GALNT10: variants seen among roughly 807,000 people sequenced by gnomAD.
GALNT10 encodes the protein polypeptide N-acetylgalactosaminyltransferase 10.
In GALNT10, 41 loss-of-function variants were observed where a neutral mutation model predicts 75.0. The observed-to-expected ratio is 0.55, with a 90% CI of 0.43 to 0.71. The LOEUF (loss-of-function observed/expected upper bound fraction) is 0.71, where lower values mean the gene tolerates loss of function less well. Among genes scored for constraint, GALNT10 ranks in the 30% least tolerant of loss-of-function variants. The pLI, the probability that GALNT10 is intolerant of heterozygous loss-of-function variation, is 0.00. For missense variants in GALNT10, 727 were observed against 818.5 expected, an observed-to-expected ratio of 0.89 and a Z score of 1.36; for synonymous variants, 302 against 313.0, an observed-to-expected ratio of 0.96 and a Z score of 0.37.
At chr5:154,407,166 G>A (rs1030144884) in intron 8 of GALNT10, among the ~76,000 whole-genome samples, 20 of 152,128 alleles carry the variant, frequency 1.3e-4, no homozygotes, top group African/African-American at 2.9e-4. Context: ...TTACTCCAAG[G>A]ATCCAGGCAA....
intron 4 of GALNT10, among the ~76,000 whole-genome samples, chr5:154,337,077 T>C (rs1169970315): frequency 6.6e-6 from 1 of 152,258 alleles, no homozygotes; most frequent in Non-Finnish European, 1.5e-5. Context: ...TACATGCTTT[T>C]TCCCCCATTT....
rs1437052830 is a variant in GALNT10 at position 154,298,213 on chromosome 5, G to A, written c.401+134G>A. 3 of 798,530 alleles carry A rather than the reference G, an allele frequency of 3.8e-6. No homozygotes were observed. Among genetic ancestry groups the A allele is most frequent in the Non-Finnish European group, 6.2e-6 (3 of 483,774 alleles). 49.5% of individuals were successfully genotyped at this position (798,530 alleles called of 1,614,324 possible). ...CCTCTTTCACAGGCATTTGTGCAAA[G>A]GTTCATGGTGTTGAGGGGTAGGAGA... On this transcript the variant is annotated intron_variant, in intron 3 of 11. Coordinates refer to ENST00000297107, the MANE Select transcript of GALNT10 (RefSeq NM_198321.4). This position sits in a 1 kb window ranked among gnomAD's most constrained non-coding sequence, Gnocchi z 4.1.
At chr5:154,339,695 A>G (rs956283828) in intron 4 of GALNT10, among the ~76,000 whole-genome samples, 6 of 152,228 alleles carry the variant, frequency 3.9e-5, no homozygotes, top group Non-Finnish European at 7.3e-5. Context: ...TGATGCTTCT[A>G]TTGACGTGGG....
At chr5:154,369,794 G>A (rs1581995929) in intron 4 of GALNT10, among the ~76,000 whole-genome samples, 1 of 152,366 alleles carries the variant, frequency 6.6e-6, no homozygotes, top group African/African-American at 2.4e-5. Context: ...CCAGCAGCCA[G>A]AGAACCAATG....
At chr5:154,408,008 G>A (rs1427877409) in intron 8 of GALNT10, among the ~76,000 whole-genome samples, 2 of 152,070 alleles carry the variant, frequency 1.3e-5, no homozygotes, top group African/African-American at 4.8e-5. Context: ...ACCTAAGAAT[G>A]GTTTTTACAT....
chr5:154,329,577 AC>A lies in GALNT10; in HGVS notation c.408del (p.Asn136LysfsTer57). The A allele has an allele frequency of 6.2e-7, 1 of 1,613,736 alleles. No homozygotes were observed. ...CCCCTTATGTTTCCCTCTAGCTGCA[AC>A]AGCAAGCGCTACCTGGAGACACTTC... ...SLPDIRHPNC[N>X]SKRYLETLPN... is the part of the protein sequence containing the mutation. On this transcript the variant is annotated frameshift_variant, in exon 4 of 12. Transcript: ENST00000297107. LOFTEE classifies it high-confidence loss of function.
At chr5:154,405,876 GTTT>G (rs201645212) in intron 8 of GALNT10, among the ~76,000 whole-genome samples, 1 of 146,716 alleles carries the variant, frequency 6.8e-6, no homozygotes, top group Non-Finnish European at 1.5e-5. Flanking sequence ...TGTTGCTGTT[GTTT>G]TTTTTTTTAA....
intron 1 of GALNT10, among the ~76,000 whole-genome samples, chr5:154,278,750 A>T (rs1435896440): frequency 6.6e-6 from 1 of 152,192 alleles, no homozygotes; most frequent in South Asian, 2.1e-4. Context: ...TTCTGTCTTT[A>T]TGAGTTTGCC....
chr5:154,214,429 ACT>A (rs959457633), intron 1 of GALNT10, among the ~76,000 whole-genome samples: 1 of 152,134 alleles, frequency 6.6e-6, no homozygotes, highest in African/African-American at 2.4e-5. Context: ...AGCAGCGAGC[ACT>A]CATCACCGGT....
intron 1 of GALNT10, among the ~76,000 whole-genome samples, chr5:154,278,691 C>G (rs1291293366): frequency 1.3e-5 from 2 of 152,162 alleles, no homozygotes; most frequent in Non-Finnish European, 2.9e-5. Flanking sequence ...CAATAACTCC[C>G]TGTAAACAAC....
intron 10 of GALNT10, among the ~76,000 whole-genome samples, chr5:154,413,469 G>A (rs1756443728): frequency 6.6e-6 from 1 of 152,214 alleles, no homozygotes; most frequent in Non-Finnish European, 1.5e-5. Context: ...AGCTGATTAT[G>A]CAGGAAGTGA....
At chr5:154,192,037 G>A (rs1581911788) in intron 1 of GALNT10, among the ~76,000 whole-genome samples, 1 of 152,330 alleles carries the variant, frequency 6.6e-6, no homozygotes, top group Non-Finnish European at 1.5e-5. Context: ...TTCATATAGT[G>A]GAACATTTCA....
At position 154,307,622 on chromosome 5, in the gene GALNT10, G is replaced by GAAA. The variant is rs368835213; in HGVS notation, c.401+9555_401+9557dup. On this transcript the variant is annotated intron_variant, in intron 3 of 11. Coordinates refer to ENST00000297107, the MANE Select transcript of GALNT10 (RefSeq NM_198321.4). ...GCGACAGAGTGAGACTCCATCTCAAGAAAAAAAAAAAAAAGAAATAATTCT... is the reference window on the plus strand; with the variant it reads ...GCGACAGAGTGAGACTCCATCTCAAGAAAAAAAAAAAAAAAAAGAAATAATTCT... 4.4e-4 allele frequency among the ~76,000 whole-genome samples: 55 copies of GAAA among 125,116 alleles called. 2 individuals carry two copies. Among genetic ancestry groups the GAAA allele is most frequent in the South Asian group, 1.0e-3 (4 of 3,850 alleles). 82.1% of individuals were successfully genotyped at this position (125,116 alleles called of 152,430 possible). A position where few individuals can be genotyped will look rare whatever the true frequency, so the allele number is the denominator to read the frequency against.
At chr5:154,229,056 T>A (rs1385932309) in intron 1 of GALNT10, among the ~76,000 whole-genome samples, 2 of 152,284 alleles carry the variant, frequency 1.3e-5, no homozygotes, top group Non-Finnish European at 2.9e-5. Flanking sequence ...GGTCTTTTTA[T>A]ATTGTTAGGA....
At chr5:154,235,814 T>C (rs989229585) in intron 1 of GALNT10, among the ~76,000 whole-genome samples, 1 of 152,190 alleles carries the variant, frequency 6.6e-6, no homozygotes, top group Non-Finnish European at 1.5e-5. Context: ...TGTTCACATA[T>C]GTAATCTCAC....
intron 3 of GALNT10, among the ~76,000 whole-genome samples, chr5:154,313,102 A>G (rs1383694384): frequency 6.6e-6 from 1 of 152,194 alleles, no homozygotes; most frequent in Non-Finnish European, 1.5e-5. Flanking sequence ...TGAGGTCAGG[A>G]GCTCGAGACC....
intron 1 of GALNT10, among the ~76,000 whole-genome samples, chr5:154,281,797 C>T (rs925676949): frequency 6.6e-6 from 1 of 152,200 alleles, no homozygotes. Context: ...GTTCTGCCCC[C>T]TGAAGTCCTC....
At chr5:154,234,446 T>C (rs1190966818) in intron 1 of GALNT10, among the ~76,000 whole-genome samples, 1 of 152,242 alleles carries the variant, frequency 6.6e-6, no homozygotes, top group African/African-American at 2.4e-5. Flanking sequence ...AGCATATTTA[T>C]CTATTCCTGG....
intron 3 of GALNT10, among the ~76,000 whole-genome samples, chr5:154,319,899 C>T (rs1754648963): frequency 6.6e-6 from 1 of 152,144 alleles, no homozygotes; most frequent in Non-Finnish European, 1.5e-5. Flanking sequence ...CTGTGTCGTC[C>T]CCAGGTCCCC....
Sources: allele counts gnomAD v4.1 joint callset (sites outside exome capture counted in the v4.1 genomes callset), GRCh38; gene constraint gnomAD v4.1.1; non-coding constraint Gnocchi (gnomAD v3.1); transcripts MANE v1.5; gene names NCBI Gene and HGNC (gene_info 2026-07-23, HGNC 2026-07-21).